Variants in AGBL1 observed in about 807,000 individuals in gnomAD.
AGBL1 encodes the protein AGBL carboxypeptidase 1, also known as cytosolic carboxypeptidase 4.
A neutral mutation model predicts 118.9 loss-of-function variants in AGBL1; 130 were observed. The ratio of observed to expected loss-of-function variants is 1.09; its 90% confidence interval spans 0.95 to 1.26. The LOEUF (loss-of-function observed/expected upper bound fraction) is 1.26, where lower values mean the gene tolerates loss of function less well. Among genes scored for constraint, AGBL1 ranks in the 50% most tolerant of loss-of-function variants. AGBL1 has a pLI of 0.00. For synonymous variants in AGBL1, 555 were observed against 478.9 expected (o/e 1.16, Z -2.08); for missense variants, 1,584 against 1,298.1 (o/e 1.22, Z -3.38).
chr15:86,879,733 G>A (rs2079864503), intron 22 of AGBL1, among the ~76,000 whole-genome samples: 1 of 152,182 alleles, frequency 6.6e-6, no homozygotes, highest in Admixed American at 6.5e-5. Flanking sequence ...TCTCTGCCAG[G>A]GATGCTCACG....
chr15:86,807,200 C>T (rs1444363487), intron 22 of AGBL1, among the ~76,000 whole-genome samples: 2 of 152,158 alleles, frequency 1.3e-5, no homozygotes, highest in African/African-American at 4.8e-5. Flanking sequence ...TCGTTACAAG[C>T]AAGCCAAATA....
At chr15:86,385,515 G>A (rs1003247900) in intron 17 of AGBL1, among the ~76,000 whole-genome samples, 1 of 152,210 alleles carries the variant, frequency 6.6e-6, no homozygotes, top group African/African-American at 2.4e-5. Flanking sequence ...CACTTTTCTA[G>A]TAGAGGAAAA....
intron 16 of AGBL1, among the ~76,000 whole-genome samples, chr15:86,284,558 A>G (rs1298191929): frequency 6.6e-6 from 1 of 152,178 alleles, no homozygotes; most frequent in Non-Finnish European, 1.5e-5. Context: ...TTGTGATAAG[A>G]AGTCTTTGAT....
intron 21 of AGBL1, among the ~76,000 whole-genome samples, chr15:86,588,767 G>A (rs370686805): frequency 6.6e-6 from 1 of 152,164 alleles, no homozygotes; most frequent in Non-Finnish European, 1.5e-5. Context: ...ACCCTATGAG[G>A]AGGCAGCAAG....
intron 22 of AGBL1, among the ~76,000 whole-genome samples, chr15:86,890,213 T>C (rs1190975598): frequency 6.6e-6 from 1 of 152,180 alleles, no homozygotes; most frequent in Non-Finnish European, 1.5e-5. Flanking sequence ...GAAGTGTCTG[T>C]TCATATCCTT....
chr15:86,380,873 T>C (rs1212523364), intron 17 of AGBL1, among the ~76,000 whole-genome samples: 3 of 152,198 alleles, frequency 2.0e-5, no homozygotes, highest in Non-Finnish European at 2.9e-5. Flanking sequence ...GCCTGCCTTA[T>C]TCTCAGACAG....
intron 22 of AGBL1, among the ~76,000 whole-genome samples, chr15:86,823,436 G>T (rs181743606): frequency 2.6e-5 from 4 of 152,264 alleles, no homozygotes; most frequent in Admixed American, 6.5e-5. Flanking sequence ...ACCTGAAGAA[G>T]GAGCCTTGCA....
chr15:86,720,251 A>T (rs1446550455), intron 22 of AGBL1, among the ~76,000 whole-genome samples: 8 of 152,070 alleles, frequency 5.3e-5, no homozygotes, highest in Non-Finnish European at 1.5e-5. Context: ...CTTGCACATT[A>T]TTCCTTGTTA....
At chr15:86,861,154 G>C (rs1401378161) in intron 22 of AGBL1, among the ~76,000 whole-genome samples, 1 of 152,044 alleles carries the variant, frequency 6.6e-6, no homozygotes, top group African/African-American at 2.4e-5. Context: ...TTTTTCTAGG[G>C]AATTCTGATC....
intron 1 of AGBL1, chr15:86,083,287 T>TGTGGGCTCCTTGCCAGCTCTGATGCC (rs1895414298): frequency 1.3e-5 from 2 of 152,234 alleles, no homozygotes; most frequent in African/African-American, 2.4e-5. Context: ...CGTTGCAGGA[T>TGTGGGCTCCTTGCCAGCTCTGATGCC]GTGGGCTCCT....
chr15:86,536,689 T>C (rs1384197042), intron 19 of AGBL1, among the ~76,000 whole-genome samples: 1 of 152,174 alleles, frequency 6.6e-6, no homozygotes, highest in South Asian at 2.1e-4. Flanking sequence ...TTTTATTTGT[T>C]GTGGAATGGA....
intron 6 of AGBL1, among the ~76,000 whole-genome samples, chr15:86,234,892 A>C (rs2078514834): frequency 6.6e-6 from 1 of 152,230 alleles, no homozygotes. Context: ...ATAAAGCCTG[A>C]TGAAATGTAA....
In AGBL1 at chr15:86,245,887, ATTTC is replaced by A. The variant is rs942178484; in HGVS notation, c.527-1768_527-1765del. Among the ~76,000 whole-genome samples the A allele has an allele frequency of 4.0e-5, 6 of 151,646 alleles. 1 individual carries two copies. In the South Asian group the frequency reaches 6.3e-4, roughly 16 times the overall value. On this transcript the variant is annotated intron_variant, in intron 6 of 22. Transcript: ENST00000614907. The stretch of plus-strand genomic sequence containing the variant: ...CCTGAATTCAGCCTAGTGTATTTTA[ATTTC>A]TTTCTTTCTTTCTTTGTTTTTTTTT...
chr15:86,997,965 ACTTT>A (rs2081395654), intron 24 of AGBL1, among the ~76,000 whole-genome samples: 1 of 151,338 alleles, frequency 6.6e-6, no homozygotes, highest in Non-Finnish European at 1.5e-5. Flanking sequence ...TTATATATTT[ACTTT>A]CTTATACTTT....
At chr15:86,467,035 G>A (rs981249685) in intron 18 of AGBL1, among the ~76,000 whole-genome samples, 10 of 152,232 alleles carry the variant, frequency 6.6e-5, no homozygotes, top group Non-Finnish European at 1.2e-4. Context: ...CAGAACCCGC[G>A]TGCAGGAACA....
intron 18 of AGBL1, among the ~76,000 whole-genome samples, chr15:86,519,901 G>A (rs1419631011): frequency 6.6e-6 from 1 of 152,072 alleles, no homozygotes; most frequent in African/African-American, 2.4e-5. Context: ...CCTCCTTTGT[G>A]TGCTGTTTAA....
chr15:86,731,836 AGG>A (rs1401799216), intron 22 of AGBL1, among the ~76,000 whole-genome samples: 3 of 152,282 alleles, frequency 2.0e-5, no homozygotes, highest in Admixed American at 2.0e-4. Flanking sequence ...GGGTGTCTTG[AGG>A]GGTAGTAAGC....
chr15:86,787,072 T>C (rs1054164980), intron 22 of AGBL1, among the ~76,000 whole-genome samples: 1 of 152,220 alleles, frequency 6.6e-6, no homozygotes, highest in African/African-American at 2.4e-5. Flanking sequence ...TTACTGATTC[T>C]TTTGTACTAA....
At chr15:86,715,833 C>A (rs577019444) in intron 22 of AGBL1, among the ~76,000 whole-genome samples, 2 of 151,942 alleles carry the variant, frequency 1.3e-5, no homozygotes, top group South Asian at 4.2e-4. Context: ...CTGAGGCGGG[C>A]GGATCACAAG....
Sources: allele counts gnomAD v4.1 joint callset (sites outside exome capture counted in the v4.1 genomes callset), GRCh38; gene constraint gnomAD v4.1.1; transcripts MANE v1.5; gene names NCBI Gene and HGNC (gene_info 2026-07-23, HGNC 2026-07-21).